Variants in CDH18 observed in about 807,000 individuals in gnomAD.
CDH18 encodes the protein cadherin 18.
A neutral mutation model predicts 67.9 loss-of-function variants in CDH18; 31 were observed. The observed-to-expected ratio is 0.46, with a 90% CI of 0.34 to 0.62. The LOEUF (loss-of-function observed/expected upper bound fraction) is 0.62. Among genes scored for constraint, CDH18 ranks in the 20% least tolerant of loss-of-function variants. The pLI, the probability that CDH18 is intolerant of heterozygous loss-of-function variation, is 0.01. For synonymous variants in CDH18, 362 were observed against 347.2 expected, an observed-to-expected ratio of 1.04 and a Z score of -0.48; for missense variants, 890 against 975.5, an observed-to-expected ratio of 0.91 and a Z score of 1.17.
At chr5:19,522,438 T>G (rs979513052) in intron 9 of CDH18, among the ~76,000 whole-genome samples, 1 of 152,138 alleles carries the variant, frequency 6.6e-6, no homozygotes, top group Non-Finnish European at 1.5e-5. Flanking sequence ...CGTCTGCGGT[T>G]AAAGAGACAA....
At chr5:19,989,114 C>T (rs1579967369), upstream of CDH18, among the ~76,000 whole-genome samples, 1 of 152,180 alleles carries the variant, frequency 6.6e-6, no homozygotes, top group South Asian at 2.1e-4. Flanking sequence ...AACTTTAGTA[C>T]TTTCTCCCCG....
chr5:20,561,593 G>A (rs536432293), intron 1 of CDH18, among the ~76,000 whole-genome samples: 6 of 151,966 alleles, frequency 3.9e-5, no homozygotes, highest in Non-Finnish European at 8.8e-5. Flanking sequence ...GGGTAAGGGT[G>A]GAAGGAGAAA....
At chr5:20,485,228 C>T (rs749170138) in intron 1 of CDH18, among the ~76,000 whole-genome samples, 10 of 152,114 alleles carry the variant, frequency 6.6e-5, no homozygotes, top group South Asian at 2.1e-4. Context: ...TCTTCTGATA[C>T]GCCTCTTGTC....
intron 1 of CDH18, among the ~76,000 whole-genome samples, chr5:20,389,396 A>G (rs924887412): frequency 4.6e-5 from 7 of 151,230 alleles, no homozygotes; most frequent in Non-Finnish European, 8.8e-5. Context: ...TTTGTTTTCC[A>G]TTTGCTTGGT....
At chr5:20,348,835 C>A (rs1248590097) in intron 1 of CDH18, among the ~76,000 whole-genome samples, 2 of 152,102 alleles carry the variant, frequency 1.3e-5, no homozygotes, top group Non-Finnish European at 2.9e-5. Context: ...TCCATTGTTC[C>A]TGGCCCTTCA....
chr5:20,455,114 C>T (rs75736983), intron 1 of CDH18, among the ~76,000 whole-genome samples: 1,631 of 151,384 alleles, frequency 0.011, 17 homozygotes, highest in Non-Finnish European at 0.017. Flanking sequence ...TTTCCAGCAA[C>T]ACAAACAATG....
intron 3 of CDH18, among the ~76,000 whole-genome samples, chr5:19,807,591 G>A (rs1439643274): frequency 6.6e-6 from 1 of 152,060 alleles, no homozygotes; most frequent in Non-Finnish European, 1.5e-5. Flanking sequence ...TAAACCACAG[G>A]TACCTGAGTC....
Position 20,443,207 on chromosome 5 carries a change from C to CTCAA in CDH18, c.-580+132254_-580+132255insTTGA, listed in dbSNP as rs1491460573. Among the ~76,000 whole-genome samples the CTCAA allele has an allele frequency of 1.2e-3, 31 of 25,380 alleles. 4 individuals are homozygous for CTCAA. Among genetic ancestry groups the CTCAA allele is most frequent in the East Asian group, 2.8e-3 (3 of 1,064 alleles). The allele number at this position is 25,380 out of a possible 152,430, so 16.7% of individuals were successfully genotyped here. On this transcript the variant is annotated intron_variant, in intron 1 of 14. Transcript: ENST00000507958. ...CCTGGGTGATAGAGCGAGACTCCGT[C>CTCAA]ACAAAAAAAAAAAAAAAAAAAAAAG... is the stretch of plus-strand genomic sequence containing the variant.
chr5:19,621,712 A>T (rs998590830), intron 5 of CDH18, among the ~76,000 whole-genome samples: 2 of 152,164 alleles, frequency 1.3e-5, no homozygotes, highest in African/African-American at 4.8e-5. Flanking sequence ...GTGTATAAAG[A>T]TTTAGATGTG....
chr5:19,836,146 T>C (rs1781599152), intron 3 of CDH18, among the ~76,000 whole-genome samples: 1 of 152,162 alleles, frequency 6.6e-6, no homozygotes, highest in South Asian at 2.1e-4. Flanking sequence ...CATCATAAAA[T>C]ATTTTTAATA....
intron 5 of CDH18, among the ~76,000 whole-genome samples, chr5:19,714,690 T>C (rs968074926): frequency 1.3e-5 from 2 of 151,848 alleles, no homozygotes; most frequent in Non-Finnish European, 2.9e-5. Context: ...ATAGGTTCTT[T>C]AAAATGGTGA....
chr5:19,548,155 A>G (rs1736668106), intron 8 of CDH18, among the ~76,000 whole-genome samples: 1 of 152,166 alleles, frequency 6.6e-6, no homozygotes, highest in Non-Finnish European at 1.5e-5. Flanking sequence ...TTATGAATGT[A>G]TATATCAATA....
At chr5:20,003,146 A>G (rs185420860) in intron 2 of CDH18, among the ~76,000 whole-genome samples, 4 of 152,294 alleles carry the variant, frequency 2.6e-5, no homozygotes, top group East Asian at 3.9e-4. Context: ...ATGTGAAAAG[A>G]TAAGTGTGTA....
intron 2 of CDH18, among the ~76,000 whole-genome samples, chr5:20,217,685 C>A (rs899957231): frequency 2.0e-5 from 3 of 151,296 alleles, no homozygotes; most frequent in African/African-American, 7.3e-5. Context: ...TCAATAATAC[C>A]ATTGAATATA....
chr5:19,691,304 T>C (rs935015655), intron 5 of CDH18, among the ~76,000 whole-genome samples: 3 of 151,788 alleles, frequency 2.0e-5, no homozygotes, highest in Non-Finnish European at 3.0e-5. Flanking sequence ...TGGAGAAAAC[T>C]GAAAGCCTTT....
At chr5:19,490,392 C>CTTTT (rs1561183202) in intron 11 of CDH18, among the ~76,000 whole-genome samples, 27 of 40,306 alleles carry the variant, frequency 6.7e-4, no homozygotes, top group African/African-American at 1.1e-3. Flanking sequence ...ATATAAAAAT[C>CTTTT]TGTTTTTTTT....
chr5:20,277,183 T>G (rs1745874189), intron 1 of CDH18, among the ~76,000 whole-genome samples: 1 of 152,166 alleles, frequency 6.6e-6, no homozygotes, highest in African/African-American at 2.4e-5. Flanking sequence ...AGGTGGTTAC[T>G]GCAGGCCTTC....
At chr5:20,232,765 G>C (rs1273348946) in intron 2 of CDH18, among the ~76,000 whole-genome samples, 1 of 151,966 alleles carries the variant, frequency 6.6e-6, no homozygotes. Context: ...TATAATTTAT[G>C]CAATAGTTGA....
At chr5:20,493,281 G>A (rs113222101) in intron 1 of CDH18, among the ~76,000 whole-genome samples, 4,903 of 147,734 alleles carry the variant, frequency 0.033, 261 homozygotes, top group African/African-American at 0.11. Flanking sequence ...CCTGGGAGGC[G>A]GAGGTTGCAG....
Sources: allele counts gnomAD v4.1 joint callset (sites outside exome capture counted in the v4.1 genomes callset), GRCh38; gene constraint gnomAD v4.1.1; transcripts MANE v1.5; gene names NCBI Gene and HGNC (gene_info 2026-07-23, HGNC 2026-07-21).